ZNF875: variants seen among roughly 807,000 people sequenced by gnomAD.
The protein encoded by ZNF875 is HKR1, GLI-Kruppel zinc finger family member.
A neutral mutation model predicts 11.2 loss-of-function variants in ZNF875; 14 were observed. The observed-to-expected ratio is 1.26, with a 90% CI of 0.83 to 1.96. ZNF875 has a LOEUF of 1.96. Ranked by LOEUF, ZNF875 falls within the 30% of genes most tolerant of loss-of-function variation. The pLI, the probability that ZNF875 is intolerant of heterozygous loss-of-function variation, is 0.00. For synonymous variants in ZNF875, 301 were observed against 281.1 expected, an observed-to-expected ratio of 1.07 and a Z score of -0.71; for missense variants, 752 against 760.4, an observed-to-expected ratio of 0.99 and a Z score of 0.13.
At chr19:37,360,348 G>T (rs760938449) in intron 4 of ZNF875, among the ~76,000 whole-genome samples, 6 of 152,282 alleles carry the variant, frequency 3.9e-5, no homozygotes, top group Non-Finnish European at 4.4e-5. Context: ...TTTGAAGTTA[G>T]AAGTATACAC....
Position 37,362,903 on chromosome 19 carries a change from T to C in ZNF875, c.1051T>C (p.Ser351Pro). ...KECGQSFSLKSNLITHQRAHT... is the reference protein window; with the variant it reads ...KECGQSFSLKPNLITHQRAHT... The stretch of plus-strand genomic sequence containing the variant: ...ATGTGGGCAGAGCTTTAGCCTGAAG[T>C]CAAACCTCATTACCCACCAGAGGGC... Residue 351 changes from serine to proline, a missense_variant, in exon 5 of 5, where the codon TCA becomes CCA. By Grantham distance (74) the Ser-to-Pro change is moderately conservative. Coordinates refer to ENST00000392153, the MANE Select transcript of ZNF875 (RefSeq NM_001353803.2). The C allele has an allele frequency of 6.2e-7, 1 of 1,614,072 alleles. No homozygotes were observed. The highest frequency in any genetic ancestry group is 8.5e-7 in the Non-Finnish European group (1 of 1,180,012).
chr19:37,362,462 C>G lies in ZNF875; in HGVS notation c.610C>G (p.Arg204Gly). 6.2e-7 allele frequency: 1 copy of G among 1,614,058 alleles called. No homozygotes were observed. The highest frequency in any genetic ancestry group is 8.5e-7 in the Non-Finnish European group (1 of 1,179,970). ...GGTGGATATAGGGTCCAGCCCTGAA[C>G]GGAGGGCAGATCTAGAGGAAACAGA... Reference protein sequence around the residue: ...TVVDIGSSPERRADLEETDKV... With the variant: ...TVVDIGSSPEGRADLEETDKV... The change falls in exon 5 of 5, where the codon CGG (arginine) becomes GGG (glycine). Residue 204 changes from arginine to glycine, a missense_variant. By Grantham distance (125) the Arg-to-Gly change is moderately radical. Transcript: ENST00000392153.
intron 2 of ZNF875, among the ~76,000 whole-genome samples, chr19:37,342,004 G>A (rs907490599): frequency 2.0e-5 from 3 of 152,176 alleles, no homozygotes; most frequent in African/African-American, 7.2e-5. Context: ...GGTTTCCCAT[G>A]TACCAGATTT....
rs1201856893 is a variant in ZNF875 at position 37,363,547 on chromosome 19, T to C, written c.1695T>C (p.Cys565=). The change falls in exon 5 of 5, where the codon TGT becomes TGC. Residue 565 remains cysteine, a synonymous_variant. Transcript: ENST00000392153. ...AHSGAFVCRE[C]GQGFCAKLTL... is the part of the protein sequence containing the mutation. ...CAGGTGCCTTTGTGTGCAGGGAGTG[T>C]GGGCAAGGCTTTTGTGCTAAGTTAA... 2 of 1,612,828 alleles carry C rather than the reference T, an allele frequency of 1.2e-6. No homozygotes were observed. Among genetic ancestry groups the C allele is most frequent in the East Asian group, 2.2e-5 (1 of 44,820 alleles).
upstream of ZNF875, among the ~76,000 whole-genome samples, chr19:37,331,788 C>CG (rs1462516893): frequency 4.6e-4 from 62 of 134,550 alleles, 1 homozygote; most frequent in East Asian, 6.0e-3. Flanking sequence ...AAGACCTGAC[C>CG]GTCCCCCAGC....
chr19:37,338,811 C>A (rs568075444), intron 2 of ZNF875, among the ~76,000 whole-genome samples: 18 of 152,264 alleles, frequency 1.2e-4, no homozygotes, highest in African/African-American at 4.3e-4. Flanking sequence ...TGTGGTTAAT[C>A]ACATGTTTCA....
intron 2 of ZNF875, among the ~76,000 whole-genome samples, chr19:37,338,185 C>T (rs918917115): frequency 1.3e-5 from 2 of 152,170 alleles, no homozygotes; most frequent in African/African-American, 2.4e-5. Flanking sequence ...TGCAGTGGCA[C>T]GATCTTGGCT....
chr19:37,331,207 G>A (rs2033328865), upstream of ZNF875, among the ~76,000 whole-genome samples: 1 of 110,394 alleles, frequency 9.1e-6, no homozygotes, highest in Admixed American at 8.9e-5. Flanking sequence ...AAAAAAAAAA[G>A]TGTATAGAGC....
At chr19:37,349,560 TTTC>T (rs1365472528) in intron 4 of ZNF875, among the ~76,000 whole-genome samples, 2 of 152,230 alleles carry the variant, frequency 1.3e-5, no homozygotes, top group Non-Finnish European at 2.9e-5. Context: ...TTCTTTTGCT[TTTC>T]TTCTTGTTGA....
intron 4 of ZNF875, among the ~76,000 whole-genome samples, chr19:37,350,771 C>CTGTTCCCCG (rs1555807265): frequency 6.9e-6 from 1 of 145,396 alleles, no homozygotes; most frequent in Admixed American, 6.9e-5. Context: ...AACTACTGAT[C>CTGTTCCCCG]TGTTCCCCAT....
intron 1 of ZNF875, among the ~76,000 whole-genome samples, chr19:37,321,947 T>C (rs2031555917): frequency 6.6e-6 from 1 of 152,162 alleles, no homozygotes; most frequent in South Asian, 2.1e-4. Context: ...TGAAATTCTG[T>C]GAATTGTGTT....
chr19:37,319,757 C>T (rs1270975205), intron 1 of ZNF875, among the ~76,000 whole-genome samples: 2 of 152,170 alleles, frequency 1.3e-5, no homozygotes, highest in East Asian at 3.9e-4. Flanking sequence ...CCGGCTATCC[C>T]TCTGACCTCC....
In ZNF875 at chr19:37,363,212, G is replaced by C. The variant is rs746336952; in HGVS notation, c.1360G>C (p.Glu454Gln). 5.6e-6 allele frequency: 9 copies of C among 1,613,978 alleles called. No individual in the cohort carries two copies. In the South Asian group the frequency reaches 8.8e-5, roughly 16 times the overall value. ...AGGGGTTAAACCTTATGTCTGCCTG[G>C]AGTGCGGGCAGTGCTTTAGCCTGAA... The part of the protein sequence containing the change: ...HSGVKPYVCL[E>Q]CGQCFSLKSN... The change falls in exon 5 of 5, where the codon GAG becomes CAG. Residue 454 changes from glutamate (E) to glutamine (Q), a missense_variant. Transcript: ENST00000392153.
At position 37,359,185 on chromosome 19, in the gene ZNF875, C is replaced by T. The variant is rs116141997; in HGVS notation, c.257-2924C>T. Among the ~76,000 whole-genome samples, 702 of 152,084 alleles carry T rather than the reference C, an allele frequency of 4.6e-3. 7 individuals carry two copies. The highest frequency in any genetic ancestry group is 0.015 in the African/African-American group (628 of 41,478). Reference sequence around the variant, plus strand: ...AAGTGCTGGGATTACAGGCGTGAACCGCCGCACCTGGCCTGTGTGTGTACA... The same window carrying T: ...AAGTGCTGGGATTACAGGCGTGAACTGCCGCACCTGGCCTGTGTGTGTACA... On this transcript the variant is annotated intron_variant, in intron 4 of 4. Transcript: ENST00000392153.
At chr19:37,345,798 A>G (rs551165014) in intron 2 of ZNF875, among the ~76,000 whole-genome samples, 1 of 152,300 alleles carries the variant, frequency 6.6e-6, no homozygotes, top group Non-Finnish European at 1.5e-5. Flanking sequence ...GATTGTACCT[A>G]AAGAGAATAA....
chr19:37,347,896 C>T (rs369600300), intron 4 of ZNF875, 24 bp downstream of exon 4: 202 of 1,350,992 alleles, frequency 1.5e-4, no homozygotes, highest in Admixed American at 2.2e-4. Context: ...GTGGGGTAGA[C>T]GGGATAATCC....
chr19:37,313,274 A>T (rs137862067), upstream of ZNF875: 961 of 152,322 alleles, frequency 6.3e-3, 26 homozygotes, highest in East Asian at 0.053. Flanking sequence ...ACCTTTCACG[A>T]GAGGAGTCCT....
chr19:37,356,214 G>C (rs1433448506), intron 4 of ZNF875, among the ~76,000 whole-genome samples: 34 of 152,164 alleles, frequency 2.2e-4, no homozygotes, highest in Admixed American at 2.2e-3. Context: ...TGACTTTGCT[G>C]TTGGGAATAG....
At chr19:37,351,979 AT>A (rs1260375287) in intron 4 of ZNF875, among the ~76,000 whole-genome samples, 1 of 151,890 alleles carries the variant, frequency 6.6e-6, no homozygotes, top group African/African-American at 2.4e-5. Context: ...TTTTGATCTT[AT>A]TTTTCTATCC....
Sources: allele counts gnomAD v4.1 joint callset (sites outside exome capture counted in the v4.1 genomes callset), GRCh38; gene constraint gnomAD v4.1.1; transcripts MANE v1.5; gene names NCBI Gene and HGNC (gene_info 2026-07-23, HGNC 2026-07-21).